The following ZNF622 variants were observed in gnomAD, a reference collection of about 807,000 sequenced individuals.
The protein encoded by ZNF622 is cytoplasmic 60S subunit biogenesis factor ZNF622.
Under a neutral mutation model 49.7 loss-of-function variants are expected in ZNF622, and 34 were observed. The observed-to-expected ratio is 0.68, with a 90% CI of 0.52 to 0.91. The LOEUF (loss-of-function observed/expected upper bound fraction) is 0.91. ZNF622 is among the 40% of genes least tolerant of loss of function. The probability of loss-of-function intolerance (pLI) is 0.00; values close to 1 mark genes in which losing one functional copy is unlikely to be tolerated. For synonymous variants in ZNF622, 209 were observed against 228.7 expected (o/e 0.91, Z 0.78); for missense variants, 569 against 616.4 (o/e 0.92, Z 0.81).
intron 4 of ZNF622, among the ~76,000 whole-genome samples, chr5:16,454,944 G>A (rs1307177056): frequency 6.6e-6 from 1 of 152,172 alleles, no homozygotes; most frequent in Non-Finnish European, 1.5e-5. Flanking sequence ...TCAGAGCAGT[G>A]GCTCTCCAAA....
chr5:16,451,788 TG>T lies in ZNF622; in HGVS notation c.1307-5del. 6.2e-7 allele frequency: 1 copy of T among 1,610,370 alleles called. No homozygotes were observed. Among genetic ancestry groups the T allele is most frequent in the East Asian group, 2.2e-5 (1 of 44,774 alleles). ...CGCTCTCGCATAAGAGCCGCTCCTA[TG>T]ATTGGAAGGCAGTTAAGAAATTAGG... On this transcript the variant is annotated splice_region_variant and splice_polypyrimidine_tract_variant and intron_variant, in intron 5 of 5. Coordinates refer to ENST00000308683, the MANE Select transcript of ZNF622 (RefSeq NM_033414.3).
At chr5:16,456,875 CAA>C (rs5866186) in intron 4 of ZNF622, among the ~76,000 whole-genome samples, 2 of 146,970 alleles carry the variant, frequency 1.4e-5, no homozygotes, top group African/African-American at 5.0e-5. Context: ...TAAATGAATA[CAA>C]AAAAAAAAAT....
chr5:16,462,036 G>C (rs990278844), intron 3 of ZNF622, among the ~76,000 whole-genome samples: 5 of 152,096 alleles, frequency 3.3e-5, no homozygotes, highest in Non-Finnish European at 4.4e-5. Context: ...ACTTGAGAGG[G>C]ATAAATACTG....
chr5:16,462,671 A>G (rs1460704527), intron 3 of ZNF622, among the ~76,000 whole-genome samples: 8 of 152,098 alleles, frequency 5.3e-5, no homozygotes, highest in Admixed American at 5.2e-4. Flanking sequence ...AAAAGATTCT[A>G]GTTAGGGGTG....
chr5:16,465,773 T>C lies in ZNF622; in HGVS notation c.-108A>G, dbSNP rs192236453. On this transcript the variant is annotated 5_prime_UTR_variant, in exon 1 of 6. Transcript: ENST00000308683. The surrounding 1 kb of genome is among the most constrained non-coding windows in gnomAD (Gnocchi z 6.2). ...CGCCTCAGCAGCCAGGAAGAGCCAC[T>C]CGACACGCCGACTTCCTGATTGTCA... 16 of 1,407,336 alleles carry C rather than the reference T, an allele frequency of 1.1e-5. No individual in the cohort carries two copies. In the African/African-American group the frequency reaches 1.9e-4, roughly 16 times the overall value. 87.2% of individuals were successfully genotyped at this position (1,407,336 alleles called of 1,614,324 possible). A position where few individuals can be genotyped will look rare whatever the true frequency, so the allele number is the denominator to read the frequency against.
At chr5:16,464,977 A>C (rs1738188741) in intron 1 of ZNF622, 64 bp downstream of exon 1, 1 of 1,519,220 alleles carries the variant, frequency 6.6e-7, no homozygotes, top group Non-Finnish European at 8.8e-7. Flanking sequence ...CTCGAGTATA[A>C]ATCTGGAAAC....
intron 5 of ZNF622, 33 bp from the exon 6 acceptor site, chr5:16,451,817 A>G: frequency 6.3e-7 from 1 of 1,599,728 alleles, no homozygotes; most frequent in Non-Finnish European, 8.5e-7. Context: ...AAATTAGGCA[A>G]AGTTCTGTTA....
chr5:16,452,905 C>T, intron 5 of ZNF622, 108 bp downstream of exon 5: 1 of 1,210,964 alleles, frequency 8.3e-7, no homozygotes, highest in Non-Finnish European at 1.1e-6. Context: ...CGTTACGTTT[C>T]CCCTAGAGAG....
At chr5:16,464,357 T>C (rs140198121) in intron 1 of ZNF622, among the ~76,000 whole-genome samples, 39 of 152,266 alleles carry the variant, frequency 2.6e-4, no homozygotes, top group Non-Finnish European at 4.7e-4. Flanking sequence ...ACTTCATCTA[T>C]AGAACAGGCC....
At chr5:16,454,488 CAAAAAAAAAA>C (rs34774848) in intron 4 of ZNF622, among the ~76,000 whole-genome samples, 4 of 66,714 alleles carry the variant, frequency 6.0e-5, no homozygotes, top group Admixed American at 2.0e-4. Flanking sequence ...ACTCCGTCTC[CAAAAAAAAAA>C]AAAAAAAAAA....
At chr5:16,454,414 G>A (rs1470244598) in intron 4 of ZNF622, among the ~76,000 whole-genome samples, 1 of 147,762 alleles carries the variant, frequency 6.8e-6, no homozygotes, top group Non-Finnish European at 1.5e-5. Flanking sequence ...TGTGAACCCG[G>A]GAGGCGGAGC....
At chr5:16,454,541 G>A (rs1288940409) in intron 4 of ZNF622, among the ~76,000 whole-genome samples, 1 of 149,502 alleles carries the variant, frequency 6.7e-6, no homozygotes, top group Non-Finnish European at 1.5e-5. Context: ...CCACCAATTG[G>A]AAATTCTGTA....
At chr5:16,454,806 AT>A (rs1737999009) in intron 4 of ZNF622, among the ~76,000 whole-genome samples, 1 of 152,162 alleles carries the variant, frequency 6.6e-6, no homozygotes, top group African/African-American at 2.4e-5. Context: ...CAGAGACAGA[AT>A]TGCACACAAA....
rs1738066823 is a variant in ZNF622, at chr5:16,458,366, A to G, written c.1162+151T>C. On this transcript the variant is annotated intron_variant, in intron 4 of 5. Coordinates refer to ENST00000308683, the MANE Select transcript of ZNF622 (RefSeq NM_033414.3). The stretch of plus-strand genomic sequence containing the variant: ...AACAGGCAACTTAGAGCTGAGCAGC[A>G]ACCTTCAGGGTTTACACCGTACATG... 4 of 542,474 alleles carry G rather than the reference A, an allele frequency of 7.4e-6. No homozygotes were observed. In the Admixed American group the frequency reaches 1.5e-4, roughly 20 times the overall value. The allele number at this position is 542,474 out of a possible 1,614,324, so 33.6% of individuals were successfully genotyped here.
At chr5:16,454,488 C>CAAAAAAAA (rs34774848) in intron 4 of ZNF622, among the ~76,000 whole-genome samples, 2 of 66,702 alleles carry the variant, frequency 3.0e-5, no homozygotes, top group Non-Finnish European at 5.3e-5. Flanking sequence ...ACTCCGTCTC[C>CAAAAAAAA]AAAAAAAAAA....
rs530000190 is a variant in ZNF622, at chr5:16,454,147, CAG to C, written c.1163-993_1163-992del. On this transcript the variant is annotated intron_variant, in intron 4 of 5. Transcript: ENST00000308683. ...ATCTCATAGGCCCACTAACTTGTAA[CAG>C]AGTGAGAAAAAAGAAAATAGACTCT... Among the ~76,000 whole-genome samples, 732 of 152,072 alleles carry C rather than the reference CAG, an allele frequency of 4.8e-3. 9 individuals are homozygous for C. The highest frequency in any genetic ancestry group is 0.017 in the African/African-American group (699 of 41,482).
chr5:16,461,878 C>G (rs1005091659), intron 3 of ZNF622, among the ~76,000 whole-genome samples: 1 of 152,200 alleles, frequency 6.6e-6, no homozygotes, highest in African/African-American at 2.4e-5. Context: ...GGGTAGGATT[C>G]TGAATATAAC....
In ZNF622 at chr5:16,463,357, C is replaced by A. The variant is rs937976215; in HGVS notation, c.887-87G>T. On this transcript the variant is annotated intron_variant, in intron 2 of 5. Transcript: ENST00000308683. This position sits in a 1 kb window ranked among gnomAD's most constrained non-coding sequence, Gnocchi z 4.2. ...CTATTTGTCACCAAAACTCAAAAATCATTCACAAAATAACCAAGCAATTAT... is the reference window on the plus strand; with the variant it reads ...CTATTTGTCACCAAAACTCAAAAATAATTCACAAAATAACCAAGCAATTAT... 4 of 1,519,754 alleles carry A rather than the reference C, an allele frequency of 2.6e-6. No individual in the cohort carries two copies. Among genetic ancestry groups the A allele is most frequent in the African/African-American group, 2.8e-5 (2 of 71,768 alleles). 94.1% of individuals were successfully genotyped at this position (1,519,754 alleles called of 1,614,324 possible).
intron 1 of ZNF622, among the ~76,000 whole-genome samples, chr5:16,464,281 C>T (rs1272790767): frequency 1.3e-5 from 2 of 152,052 alleles, no homozygotes; most frequent in South Asian, 4.1e-4. Context: ...TGGATTAGTG[C>T]GAGGGAACTG....
Sources: allele counts gnomAD v4.1 joint callset (sites outside exome capture counted in the v4.1 genomes callset), GRCh38; gene constraint gnomAD v4.1.1; non-coding constraint Gnocchi (gnomAD v3.1); transcripts MANE v1.5; gene names NCBI Gene and HGNC (gene_info 2026-07-23, HGNC 2026-07-21).